The following CREB5 variants were observed in gnomAD, a reference collection of about 807,000 sequenced individuals.
CREB5 encodes cyclic AMP-responsive element-binding protein 5.
Under a neutral mutation model 57.1 loss-of-function variants are expected in CREB5, and 19 were observed. The ratio of observed to expected loss-of-function variants is 0.33; its 90% CI spans 0.23 to 0.49. CREB5 has a LOEUF of 0.49. CREB5 is among the 20% of genes least tolerant of loss of function. The pLI, the probability that CREB5 is intolerant of heterozygous loss-of-function variation, is 0.99. For missense variants in CREB5, 579 were observed against 671.6 expected, an observed-to-expected ratio of 0.86 and a Z score of 1.52; for synonymous variants, 238 against 238.3, an observed-to-expected ratio of 1.00 and a Z score of 0.01.
At chr7:28,713,549 G>A (rs1234623695) in intron 5 of CREB5, among the ~76,000 whole-genome samples, 1 of 152,156 alleles carries the variant, frequency 6.6e-6, no homozygotes, top group Non-Finnish European at 1.5e-5. Context: ...TGGCTGGACC[G>A]GCTTGATTTC....
At chr7:28,417,929 T>C (rs1788089637) in intron 1 of CREB5, among the ~76,000 whole-genome samples, 1 of 152,238 alleles carries the variant, frequency 6.6e-6, no homozygotes, top group Non-Finnish European at 1.5e-5. Context: ...GTGTTTTAAA[T>C]GGTCTGCTTC....
At chr7:28,764,796 T>C (rs965104742) in intron 7 of CREB5, among the ~76,000 whole-genome samples, 3 of 152,264 alleles carry the variant, frequency 2.0e-5, no homozygotes, top group African/African-American at 7.2e-5. Flanking sequence ...CATATAAATG[T>C]CGATGACAAT....
intron 5 of CREB5, among the ~76,000 whole-genome samples, chr7:28,586,850 C>T (rs1796323718): frequency 6.6e-6 from 1 of 152,228 alleles, no homozygotes; most frequent in Non-Finnish European, 1.5e-5. Flanking sequence ...TTGTCCATCC[C>T]ACAAAACCAC....
Position 28,570,406 on chromosome 7 carries a change from GC to G in CREB5, c.336del (p.Gly113GlufsTer18). On this transcript the variant is annotated frameshift_variant, in exon 5 of 11. Transcript: ENST00000357727. LOFTEE classifies it high-confidence loss of function. ...ATGCAGTTGGTGGGGCCATGACGGG[GC>G]CCGGAACTCACCAGCTTAGCAGCGC... ...HNAVGGAMTGPGTHQLSSARL... is the reference protein window; with the variant it reads ...HNAVGGAMTGXGTHQLSSARL... 6.2e-7 allele frequency: 1 copy of G among 1,614,136 alleles called. No individual in the cohort carries two copies. Among genetic ancestry groups the G allele is most frequent in the Non-Finnish European group, 8.5e-7 (1 of 1,179,994 alleles).
intron 1 of CREB5, among the ~76,000 whole-genome samples, chr7:28,310,973 T>C (rs1310288755): frequency 6.6e-6 from 1 of 152,064 alleles, no homozygotes; most frequent in Non-Finnish European, 1.5e-5. Context: ...CATTTGGTCA[T>C]TATGTCTCTT....
chr7:28,421,116 G>A (rs1328591984), intron 1 of CREB5, among the ~76,000 whole-genome samples: 1 of 152,128 alleles, frequency 6.6e-6, no homozygotes. Flanking sequence ...GCACCCACTA[G>A]GTGATTCCTA....
chr7:28,598,550 A>G (rs762092971), intron 5 of CREB5, among the ~76,000 whole-genome samples: 12 of 152,122 alleles, frequency 7.9e-5, no homozygotes, highest in Admixed American at 4.6e-4. Flanking sequence ...GCAGCTTTTC[A>G]TGATGCATTG....
intron 7 of CREB5, among the ~76,000 whole-genome samples, chr7:28,735,919 C>T (rs1372308297): frequency 6.6e-6 from 1 of 151,830 alleles, no homozygotes; most frequent in Non-Finnish European, 1.5e-5. Context: ...ATTCTCCCAC[C>T]TCAGCTTCCC....
At chr7:28,635,516 C>A (rs899155651) in intron 5 of CREB5, among the ~76,000 whole-genome samples, 1 of 152,140 alleles carries the variant, frequency 6.6e-6, no homozygotes, top group Non-Finnish European at 1.5e-5. Flanking sequence ...TCAGTCTTTT[C>A]GATCATCATG....
At chr7:28,350,535 C>T (rs567707768) in intron 1 of CREB5, among the ~76,000 whole-genome samples, 1 of 151,560 alleles carries the variant, frequency 6.6e-6, no homozygotes, top group African/African-American at 2.4e-5. Flanking sequence ...CAGGGAGAGG[C>T]CCTTAATCTA....
rs1795176026 is a variant in CREB5, at chr7:28,560,915, C to CGCGTGCGTGT, written c.292-9449_292-9448insCGTGCGTGTG. ...GTGTGTGCGTGCGCGCGTGCGTGTGCGTGTGTGCGCGTGCGTGTGTGCGTG... is the reference window on the plus strand; with the variant it reads ...GTGTGTGCGTGCGCGCGTGCGTGTGCGCGTGCGTGTGTGTGTGCGCGTGCGTGTGTGCGTG... On this transcript the variant is annotated intron_variant, in intron 4 of 10. Coordinates refer to ENST00000357727, the MANE Select transcript of CREB5 (RefSeq NM_182898.4). Among the ~76,000 whole-genome samples the CGCGTGCGTGT allele has an allele frequency of 1.5e-3, 26 of 16,902 alleles. 2 individuals are homozygous for CGCGTGCGTGT. Among genetic ancestry groups the CGCGTGCGTGT allele is most frequent in the Non-Finnish European group, 2.4e-3 (22 of 9,024 alleles). 11.1% of individuals were successfully genotyped at this position (16,902 alleles called of 152,430 possible).
chr7:28,641,354 A>G (rs751407504), intron 5 of CREB5, among the ~76,000 whole-genome samples: 19 of 152,112 alleles, frequency 1.2e-4, no homozygotes, highest in Non-Finnish European at 2.6e-4. Flanking sequence ...TTCAAAGGGG[A>G]AAGCGTGGAA....
intron 5 of CREB5, among the ~76,000 whole-genome samples, chr7:28,671,950 C>T (rs1287108327): frequency 6.6e-6 from 1 of 152,290 alleles, no homozygotes; most frequent in African/African-American, 2.4e-5. Flanking sequence ...TATTATTACA[C>T]TTTCTTAATC....
At chr7:28,687,638 G>A (rs575903448) in intron 5 of CREB5, among the ~76,000 whole-genome samples, 7 of 151,556 alleles carry the variant, frequency 4.6e-5, no homozygotes, top group Admixed American at 1.3e-4. Flanking sequence ...TTATTTAGAC[G>A]TGATCATCCT....
chr7:28,740,024 GC>G (rs1224498946), intron 7 of CREB5, among the ~76,000 whole-genome samples: 1 of 152,100 alleles, frequency 6.6e-6, no homozygotes, highest in Non-Finnish European at 1.5e-5. Flanking sequence ...GTTTAGGGAA[GC>G]CTGAGCCAGA....
At chr7:28,566,512 A>G (rs564828308) in intron 4 of CREB5, among the ~76,000 whole-genome samples, 1 of 152,374 alleles carries the variant, frequency 6.6e-6, no homozygotes, top group African/African-American at 2.4e-5. Context: ...TCAGCAAGAT[A>G]GAGTCACTCT....
At chr7:28,648,939 C>T (rs1259185540) in intron 5 of CREB5, among the ~76,000 whole-genome samples, 1 of 152,108 alleles carries the variant, frequency 6.6e-6, no homozygotes, top group Non-Finnish European at 1.5e-5. Flanking sequence ...CTTTAATGTA[C>T]CAATAAAGGT....
intron 4 of CREB5, among the ~76,000 whole-genome samples, chr7:28,560,777 A>G: frequency 6.6e-6 from 1 of 151,420 alleles, no homozygotes; most frequent in Non-Finnish European, 1.5e-5. Context: ...TCTCGGTGAC[A>G]CATCTTTCTC....
chr7:28,556,067 G>A (rs1794851544), intron 4 of CREB5, among the ~76,000 whole-genome samples: 1 of 152,138 alleles, frequency 6.6e-6, no homozygotes, highest in Non-Finnish European at 1.5e-5. Flanking sequence ...TGACATTAGC[G>A]CTTCTGCTTA....
Sources: allele counts gnomAD v4.1 joint callset (sites outside exome capture counted in the v4.1 genomes callset), GRCh38; gene constraint gnomAD v4.1.1; transcripts MANE v1.5; gene names NCBI Gene and HGNC (gene_info 2026-07-23, HGNC 2026-07-21).